The following CXADR variants were observed in gnomAD, a reference collection of about 807,000 sequenced individuals.
CXADR encodes CXADR cell adhesion molecule, also known as coxsackievirus and adenovirus receptor.
CXADR carries 20 observed loss-of-function variants against 40.3 expected under a neutral mutation model. The ratio of observed to expected loss-of-function variants is 0.50; its 90% CI spans 0.35 to 0.72. CXADR has a LOEUF of 0.72. Ranked by LOEUF, CXADR falls within the 30% of genes least tolerant of loss-of-function variation. The pLI, the probability that CXADR is intolerant of heterozygous loss-of-function variation, is 0.01. For synonymous variants in CXADR, 150 were observed against 161.3 expected, an observed-to-expected ratio of 0.93 and a Z score of 0.53; for missense variants, 332 against 449.1, an observed-to-expected ratio of 0.74 and a Z score of 2.36.
intron 1 of CXADR, chr21:17,518,827 A>G: frequency 6.4e-7 from 1 of 1,562,436 alleles, no homozygotes; most frequent in South Asian, 1.1e-5. Context: ...AATCATGTTC[A>G]TCTCTTCAAT....
the CXADR span, among the ~76,000 whole-genome samples, chr21:17,624,828 A>G: frequency 6.6e-6 from 1 of 151,964 alleles, no homozygotes; most frequent in Non-Finnish European, 1.5e-5. Context: ...TACCTGGAAT[A>G]TTGTTCCCCC....
At chr21:17,600,545 G>A in the CXADR span, among the ~76,000 whole-genome samples, 2 of 152,100 alleles carry the variant, frequency 1.3e-5, no homozygotes, top group African/African-American at 2.4e-5. Flanking sequence ...ATGAGGCTGG[G>A]TGCAGTGGCT....
chr21:17,525,669 A>G (rs1050098733), intron 1 of CXADR, among the ~76,000 whole-genome samples: 1 of 152,340 alleles, frequency 6.6e-6, no homozygotes, highest in Middle Eastern at 3.4e-3. Context: ...TCAGTTGTAC[A>G]GTGGAAATCT....
intron 4 of CXADR, among the ~76,000 whole-genome samples, chr21:17,560,472 G>T (rs1379311721): frequency 6.6e-6 from 1 of 152,226 alleles, no homozygotes; most frequent in Non-Finnish European, 1.5e-5. Context: ...TCCAGCTGAG[G>T]CTGTGTGCTG....
chr21:17,576,562 G>A (rs1265741205), intron 7 of CXADR, among the ~76,000 whole-genome samples: 2 of 152,132 alleles, frequency 1.3e-5, no homozygotes, highest in Admixed American at 6.6e-5. Context: ...TAAGGTGACT[G>A]TATCCCACTT....
At chr21:17,549,182 T>C (rs1007909743) in intron 2 of CXADR, among the ~76,000 whole-genome samples, 5 of 152,200 alleles carry the variant, frequency 3.3e-5, no homozygotes, top group Admixed American at 1.3e-4. Flanking sequence ...AGGTGAGAAT[T>C]ATTATACATA....
intron 1 of CXADR, among the ~76,000 whole-genome samples, chr21:17,533,047 A>G (rs1181829677): frequency 1.3e-5 from 2 of 152,182 alleles, no homozygotes; most frequent in Non-Finnish European, 2.9e-5. Flanking sequence ...AGGAGAAGAA[A>G]TGATTGTCAG....
At chr21:17,628,002 A>G in the CXADR span, among the ~76,000 whole-genome samples, 1 of 152,166 alleles carries the variant, frequency 6.6e-6, no homozygotes, top group Admixed American at 6.5e-5. Flanking sequence ...TTTTCACACT[A>G]ATGTAGAACT....
At chr21:17,619,886 C>A in the CXADR span, among the ~76,000 whole-genome samples, 4 of 151,938 alleles carry the variant, frequency 2.6e-5, no homozygotes, top group African/African-American at 9.7e-5. Context: ...CTGATAGCTT[C>A]CAACTTTTCA....
At chr21:17,599,068 T>G in the CXADR span, 1 of 368,372 alleles carries the variant, frequency 2.7e-6, no homozygotes, top group African/African-American at 2.1e-5. Flanking sequence ...CTTATTTTCT[T>G]TCTACTAATT....
At chr21:17,577,757 A>G (rs537820242) in intron 7 of CXADR, among the ~76,000 whole-genome samples, 19 of 151,538 alleles carry the variant, frequency 1.3e-4, no homozygotes, top group African/African-American at 4.1e-4. Flanking sequence ...GAACTTAATC[A>G]TCTTGCATAA....
rs1448449199 is a variant in CXADR at position 17,553,609 on chromosome 21, G to A, written c.415+1656G>A. ...CAAGTGAAAGATTAACACCTGGTCC[G>A]AATTCTTTTTTTTTTTTTTTTTTTC... On this transcript the variant is annotated intron_variant, in intron 3 of 6. Transcript: ENST00000284878. 6.1e-5 allele frequency among the ~76,000 whole-genome samples: 8 copies of A among 130,160 alleles called. No individual in the cohort carries two copies. In the Admixed American group the frequency reaches 7.2e-4, roughly 12 times the overall value. The allele number at this position is 130,160 out of a possible 152,430, so 85.4% of individuals were successfully genotyped here.
intron 7 of CXADR, among the ~76,000 whole-genome samples, chr21:17,588,763 C>A (rs1231703236): frequency 6.6e-6 from 1 of 152,016 alleles, no homozygotes; most frequent in East Asian, 1.9e-4. Flanking sequence ...TTACTTAAAA[C>A]AATTCTTGGT....
intron 1 of CXADR, among the ~76,000 whole-genome samples, chr21:17,524,575 CAAAAAAAAAA>C (rs71189539): frequency 0.026 from 1,140 of 43,848 alleles, 24 homozygotes; most frequent in South Asian, 0.13. Context: ...GACTCTATCT[CAAAAAAAAAA>C]AAAAAAAAAA....
downstream of CXADR, chr21:17,593,892 T>A: frequency 1.5e-6 from 1 of 669,596 alleles, no homozygotes; most frequent in Non-Finnish European, 2.3e-6. Flanking sequence ...CTAACTTTAA[T>A]AAAATTTCTC....
intron 1 of CXADR, among the ~76,000 whole-genome samples, chr21:17,521,467 T>C (rs1166782128): frequency 6.6e-6 from 1 of 151,978 alleles, no homozygotes; most frequent in Non-Finnish European, 1.5e-5. Context: ...GGAATACAGG[T>C]GCCCGCCACC....
Position 17,568,722 on chromosome 21 carries a change from A to G in CXADR, c.*3030A>G, listed in dbSNP as rs2061247396. 1.0e-6 allele frequency: 1 copy of G among 985,064 alleles called. No individual in the cohort carries two copies. The highest frequency in any genetic ancestry group is 1.2e-6 in the Non-Finnish European group (1 of 829,932). 61.0% of individuals were successfully genotyped at this position (985,064 alleles called of 1,614,324 possible). Reference sequence around the variant, plus strand: ...GTACTTTGAATATGGAGTAGTTTACAGCTATTTTTTTTTCTTACTGGTAAT... The same window carrying G: ...GTACTTTGAATATGGAGTAGTTTACGGCTATTTTTTTTTCTTACTGGTAAT... On this transcript the variant is annotated 3_prime_UTR_variant, in exon 7 of 7. Transcript: ENST00000284878.
chr21:17,603,560 T>C, the CXADR span, among the ~76,000 whole-genome samples: 2 of 152,198 alleles, frequency 1.3e-5, no homozygotes, highest in Admixed American at 6.5e-5. Context: ...GCGACCACCT[T>C]AGGAGTACAT....
At chr21:17,590,140 A>G (rs952473518) in intron 7 of CXADR, among the ~76,000 whole-genome samples, 10 of 151,982 alleles carry the variant, frequency 6.6e-5, no homozygotes, top group African/African-American at 2.4e-4. Context: ...AATCATAATT[A>G]GTATTTTTAA....
Sources: allele counts gnomAD v4.1 joint callset (sites outside exome capture counted in the v4.1 genomes callset), GRCh38; gene constraint gnomAD v4.1.1; transcripts MANE v1.5; gene names NCBI Gene and HGNC (gene_info 2026-07-23, HGNC 2026-07-21).